The following ACAD11 variants were observed in gnomAD, a reference collection of about 807,000 sequenced individuals.
ACAD11 encodes acyl-Coenzyme A dehydrogenase family, member 11.
A neutral mutation model predicts 102.2 loss-of-function variants in ACAD11; 83 were observed. The observed-to-expected ratio is 0.81, with a 90% CI of 0.68 to 0.97. ACAD11 has a LOEUF of 0.97. ACAD11 is among the 50% of genes least tolerant of loss of function. The probability of loss-of-function intolerance (pLI) is 0.00; values close to 1 mark genes in which losing one functional copy is unlikely to be tolerated. For missense variants in ACAD11, 901 were observed against 951.7 expected, an observed-to-expected ratio of 0.95 and a Z score of 0.70; for synonymous variants, 324 against 319.8, an observed-to-expected ratio of 1.01 and a Z score of -0.14.
chr3:132,659,664 T>C lies in ACAD11; in HGVS notation c.88A>G (p.Asn30Asp). The C allele has an allele frequency of 6.2e-7, 1 of 1,611,412 alleles. No individual in the cohort carries two copies. Among genetic ancestry groups the C allele is most frequent in the Non-Finnish European group, 8.5e-7 (1 of 1,178,812 alleles). Reference sequence around the variant, plus strand: ...GCCCCAAAGCCAGACAAGTGCTGGTTTAGGTAGGCCTCCAGGGACTTGCTG... The same window carrying C: ...GCCCCAAAGCCAGACAAGTGCTGGTCTAGGTAGGCCTCCAGGGACTTGCTG... The part of the protein sequence containing the change: ...FDSKSLEAYL[N>D]QHLSGFGAER... The change falls in exon 1 of 20, where the codon AAC (asparagine) becomes GAC (aspartate). Residue 30 changes from asparagine to aspartate, a missense_variant. Transcript: ENST00000264990.
intron 3 of ACAD11, among the ~76,000 whole-genome samples, chr3:132,642,458 T>C (rs1940560651): frequency 2.6e-5 from 4 of 152,224 alleles, no homozygotes; most frequent in Admixed American, 2.6e-4. Flanking sequence ...TAAGAATAAG[T>C]CAATACCCCC....
chr3:132,620,002 C>A (rs962284817), intron 9 of ACAD11, among the ~76,000 whole-genome samples: 1 of 152,168 alleles, frequency 6.6e-6, no homozygotes, highest in African/African-American at 2.4e-5. Flanking sequence ...TCTATGTTAG[C>A]CCTGTTACAC....
At chr3:132,566,970 A>C (rs567012135) in intron 17 of ACAD11, among the ~76,000 whole-genome samples, 1 of 152,324 alleles carries the variant, frequency 6.6e-6, no homozygotes, top group East Asian at 1.9e-4. Context: ...GAAAATAATT[A>C]AGACAATTAT....
intron 9 of ACAD11, 58 bp downstream of exon 9, chr3:132,626,630 TAAC>T: frequency 1.4e-5 from 23 of 1,590,830 alleles, no homozygotes; most frequent in Non-Finnish European, 1.9e-5. Context: ...TAAGCAGAAA[TAAC>T]AAAAGTATTC....
intron 17 of ACAD11, among the ~76,000 whole-genome samples, chr3:132,575,054 C>T (rs931737158): frequency 6.6e-6 from 1 of 151,866 alleles, no homozygotes; most frequent in Non-Finnish European, 1.5e-5. Context: ...ACCATGTTGC[C>T]CAGGCTGGTC....
intron 1 of ACAD11, among the ~76,000 whole-genome samples, chr3:132,649,062 T>G (rs1395540209): frequency 2.0e-5 from 3 of 152,208 alleles, no homozygotes; most frequent in Non-Finnish European, 4.4e-5. Flanking sequence ...TTCTCCAGTC[T>G]CGATAAACCA....
rs148931122 is a variant in ACAD11 at position 132,584,658 on chromosome 3, T to C, written c.1622-5100A>G. On this transcript the variant is annotated intron_variant, in intron 13 of 19. Transcript: ENST00000264990. ...TGATGCAGTTTCTTCCTAGCCTCGA[T>C]GGTCTTTACAGTTTGGCATGTTTTT... is the stretch of plus-strand genomic sequence containing the variant. 2.5e-3 allele frequency among the ~76,000 whole-genome samples: 374 copies of C among 152,376 alleles called. 2 individuals carry two copies. The highest frequency in any genetic ancestry group is 8.5e-3 in the African/African-American group (354 of 41,596).
Position 132,558,867 on chromosome 3 carries a change from C to CTAA in ACAD11, c.*103_*104insTTA. 2.6e-6 allele frequency: 2 copies of CTAA among 777,060 alleles called. No homozygotes were observed. Among genetic ancestry groups the CTAA allele is most frequent in the Non-Finnish European group, 4.2e-6 (2 of 470,702 alleles). 48.1% of individuals were successfully genotyped at this position (777,060 alleles called of 1,614,324 possible). On this transcript the variant is annotated 3_prime_UTR_variant, in exon 20 of 20. Coordinates refer to ENST00000264990, the MANE Select transcript of ACAD11 (RefSeq NM_032169.5). Reference sequence around the variant, plus strand: ...TCTTTACCACAAATGAATAATTAACCCTGTGCTCAAACTGCTACAAAAATA... The same window carrying CTAA: ...TCTTTACCACAAATGAATAATTAACCTAACTGTGCTCAAACTGCTACAAAAATA...
At chr3:132,614,277 C>T (rs545351650) in intron 11 of ACAD11, among the ~76,000 whole-genome samples, 5 of 152,172 alleles carry the variant, frequency 3.3e-5, no homozygotes, top group African/African-American at 9.6e-5. Flanking sequence ...CAATGCCATC[C>T]CCATCAAGCT....
intron 13 of ACAD11, among the ~76,000 whole-genome samples, chr3:132,599,298 G>C (rs1938463022): frequency 1.3e-5 from 2 of 152,106 alleles, no homozygotes; most frequent in Admixed American, 6.5e-5. Flanking sequence ...ACGAGGTCAG[G>C]AGTGCGAGAA....
chr3:132,630,490 T>A lies in ACAD11; in HGVS notation c.910A>T (p.Asn304Tyr). The A allele has an allele frequency of 6.2e-7, 1 of 1,613,080 alleles. No individual in the cohort carries two copies. Among genetic ancestry groups the A allele is most frequent in the Non-Finnish European group, 8.5e-7 (1 of 1,179,400 alleles). The change falls in exon 7 of 20, where the codon AAC (asparagine) becomes TAC (tyrosine). Residue 304 changes from asparagine to tyrosine, a missense_variant. Physicochemically the swap from Asn to Tyr is moderately radical, Grantham distance 143 (BLOSUM62 -2). Transcript: ENST00000264990. ...GAAAGGGCAAGAAAGAAATTCCAGT[T>A]AGGAAGAATAGAATTAATTCCCCTG... is the stretch of plus-strand genomic sequence containing the variant. ...RCRGINSILP[N>Y]WNFFLALSYF...
intron 1 of ACAD11, among the ~76,000 whole-genome samples, chr3:132,659,181 A>T (rs747398257): frequency 7.9e-5 from 12 of 152,130 alleles, no homozygotes; most frequent in Non-Finnish European, 1.2e-4. Context: ...TCGAATTCGG[A>T]TCCTCCATCT....
intron 11 of ACAD11, among the ~76,000 whole-genome samples, chr3:132,607,136 C>T (rs917572875): frequency 6.6e-6 from 1 of 152,116 alleles, no homozygotes; most frequent in Non-Finnish European, 1.5e-5. Context: ...ACATCAAAGA[C>T]CAAAGGTAGA....
intron 1 of ACAD11, among the ~76,000 whole-genome samples, chr3:132,656,403 T>C (rs1454121015): frequency 6.6e-6 from 1 of 152,092 alleles, no homozygotes. Flanking sequence ...TTTTACAAGA[T>C]CATGTTGAGT....
chr3:132,603,331 T>C lies in ACAD11; in HGVS notation c.1523-4A>G. Reference sequence around the variant, plus strand: ...TCACTTGAAGCTACATCAGGTTCTATAAATAAACAAAAGCTGAATTTACAG... The same window carrying C: ...TCACTTGAAGCTACATCAGGTTCTACAAATAAACAAAAGCTGAATTTACAG... On this transcript the variant is annotated splice_region_variant and splice_polypyrimidine_tract_variant and intron_variant, in intron 12 of 19. Transcript: ENST00000264990. 6.2e-7 allele frequency: 1 copy of C among 1,613,316 alleles called. No homozygotes were observed.
chr3:132,571,932 A>G (rs978201793), intron 17 of ACAD11, among the ~76,000 whole-genome samples: 6 of 152,228 alleles, frequency 3.9e-5, no homozygotes, highest in African/African-American at 1.4e-4. Context: ...AATAAGAGCC[A>G]TCTATGACAA....
At chr3:132,631,520 TAAAAC>T in intron 5 of ACAD11, 41 bp from the exon 6 acceptor site, 20 of 1,341,094 alleles carry the variant, frequency 1.5e-5, no homozygotes, top group Non-Finnish European at 1.9e-5. Context: ...CATTAAAACT[TAAAAC>T]AAGTATAATA....
chr3:132,616,038 T>C (rs1277819042), intron 11 of ACAD11, among the ~76,000 whole-genome samples: 2 of 152,214 alleles, frequency 1.3e-5, no homozygotes, highest in Non-Finnish European at 2.9e-5. Context: ...CCTCTCGAAG[T>C]ATTTACTCAA....
intron 13 of ACAD11, chr3:132,600,393 G>A (rs532559426): frequency 2.5e-6 from 4 of 1,575,684 alleles, no homozygotes; most frequent in South Asian, 2.4e-5. Flanking sequence ...ATCTAGATTG[G>A]AGCCATGGCT....
Sources: allele counts gnomAD v4.1 joint callset (sites outside exome capture counted in the v4.1 genomes callset), GRCh38; gene constraint gnomAD v4.1.1; transcripts MANE v1.5; gene names NCBI Gene and HGNC (gene_info 2026-07-23, HGNC 2026-07-21).